Variants in CSRNP3 observed in about 807,000 individuals in gnomAD.
CSRNP3 encodes the protein cysteine/serine-rich nuclear protein 3.
A neutral mutation model predicts 48.0 loss-of-function variants in CSRNP3; 12 were observed. The ratio of observed to expected loss-of-function variants is 0.25; its 90% CI spans 0.16 to 0.41. The LOEUF is 0.41. Ranked by LOEUF, CSRNP3 falls within the 10% of genes least tolerant of loss-of-function variation. The pLI is 1.00. For missense variants in CSRNP3, 580 were observed against 724.4 expected (o/e 0.80, Z 2.29); for synonymous variants, 263 against 269.7 (o/e 0.98, Z 0.24).
intron 4 of CSRNP3, among the ~76,000 whole-genome samples, chr2:165,599,062 C>A (rs915124999): frequency 6.6e-6 from 1 of 151,248 alleles, no homozygotes; most frequent in African/African-American, 2.4e-5. Context: ...TCTCAAATCC[C>A]CATCTCTAAA....
At chr2:165,609,704 A>G (rs546834320) in intron 4 of CSRNP3, among the ~76,000 whole-genome samples, 1 of 152,180 alleles carries the variant, frequency 6.6e-6, no homozygotes, top group Non-Finnish European at 1.5e-5. Flanking sequence ...GACATCGTAC[A>G]TTTTATTAAT....
chr2:165,666,025 G>C lies in CSRNP3; in HGVS notation c.408+8005G>C, dbSNP rs562703044. ...GGATAGAGAGGAAGAAAGAAAGAGA[G>C]AGAGAGGAAGGGAGGAAGGAAGGAA... On this transcript the variant is annotated intron_variant, in intron 5 of 6. Transcript: ENST00000651982. Among the ~76,000 whole-genome samples, 68 of 113,654 alleles carry C rather than the reference G, an allele frequency of 6.0e-4. 2 individuals carry two copies. In the East Asian group the frequency reaches 6.4e-3, roughly 11 times the overall value. The allele number at this position is 113,654 out of a possible 152,430, so 74.6% of individuals were successfully genotyped here.
chr2:165,478,108 A>AAATTAG (rs1683993077), intron 1 of CSRNP3, among the ~76,000 whole-genome samples: 1 of 152,182 alleles, frequency 6.6e-6, no homozygotes, highest in Non-Finnish European at 1.5e-5. Context: ...CTACTTCATC[A>AAATTAG]TAGACCCCTT....
intron 4 of CSRNP3, among the ~76,000 whole-genome samples, chr2:165,655,590 C>T (rs1161181250): frequency 1.3e-5 from 2 of 152,102 alleles, no homozygotes; most frequent in African/African-American, 4.8e-5. Context: ...CTTGGGCTCC[C>T]GTAAAAATGA....
intron 2 of CSRNP3, among the ~76,000 whole-genome samples, chr2:165,506,976 A>G (rs1052168490): frequency 2.0e-5 from 3 of 152,196 alleles, no homozygotes; most frequent in African/African-American, 7.2e-5. Flanking sequence ...TGGACCCCAT[A>G]TTAGTAATTC....
intron 4 of CSRNP3, among the ~76,000 whole-genome samples, chr2:165,634,496 A>AT (rs1013103048): frequency 4.6e-5 from 7 of 152,222 alleles, no homozygotes; most frequent in African/African-American, 1.7e-4. Context: ...CAAAGGTTAC[A>AT]TTCTGGTGGT....
At chr2:165,623,006 G>T (rs747676594) in intron 4 of CSRNP3, among the ~76,000 whole-genome samples, 8 of 152,168 alleles carry the variant, frequency 5.3e-5, no homozygotes, top group Non-Finnish European at 1.0e-4. Context: ...TTGGTATGCA[G>T]TAGGCTCCCT....
At chr2:165,548,984 T>G (rs991138270) in intron 3 of CSRNP3, among the ~76,000 whole-genome samples, 2 of 149,304 alleles carry the variant, frequency 1.3e-5, no homozygotes, top group African/African-American at 4.9e-5. Flanking sequence ...ACTTCTTTTT[T>G]TTTTTAATTG....
At chr2:165,612,669 C>T (rs1479264801) in intron 4 of CSRNP3, among the ~76,000 whole-genome samples, 1 of 151,864 alleles carries the variant, frequency 6.6e-6, no homozygotes, top group Non-Finnish European at 1.5e-5. Context: ...TAAATGAGAA[C>T]ATGAGTGGTA....
chr2:165,472,899 C>T (rs994951200), intron 1 of CSRNP3, among the ~76,000 whole-genome samples: 1 of 151,986 alleles, frequency 6.6e-6, no homozygotes, highest in Non-Finnish European at 1.5e-5. Flanking sequence ...CATGTCAGTA[C>T]GTTATTTTCA....
At chr2:165,622,445 G>T (rs1686356226) in intron 4 of CSRNP3, among the ~76,000 whole-genome samples, 1 of 152,120 alleles carries the variant, frequency 6.6e-6, no homozygotes. Context: ...TAGTTACATT[G>T]TATAGTTTAT....
chr2:165,496,078 G>C (rs1684280288), intron 2 of CSRNP3, among the ~76,000 whole-genome samples: 1 of 151,820 alleles, frequency 6.6e-6, no homozygotes, highest in Non-Finnish European at 1.5e-5. Flanking sequence ...TCTCCCCCAG[G>C]ATTCAAAATT....
chr2:165,543,673 G>A (rs1684986469), intron 3 of CSRNP3, among the ~76,000 whole-genome samples: 1 of 151,844 alleles, frequency 6.6e-6, no homozygotes, highest in African/African-American at 2.4e-5. Context: ...TAATTTTCAT[G>A]GGCACATACT....
intron 3 of CSRNP3, among the ~76,000 whole-genome samples, chr2:165,592,155 C>T (rs35921419): frequency 0.097 from 14,828 of 152,248 alleles, 923 homozygotes; most frequent in African/African-American, 0.18. Flanking sequence ...CAAATGAGAT[C>T]ATTTTGGAAC....
At chr2:165,554,750 C>T (rs1183778488) in intron 3 of CSRNP3, among the ~76,000 whole-genome samples, 4 of 152,188 alleles carry the variant, frequency 2.6e-5, no homozygotes, top group African/African-American at 2.4e-5. Context: ...ACCTTGCTCT[C>T]CTTTCAAACA....
Position 165,670,265 on chromosome 2 carries a change from C to T in CSRNP3, c.409-6047C>T, listed in dbSNP as rs150963680. ...CCACTGCCAGCCCCACTGCCACCCT[C>T]CTACATAACCCTCAAATGCCCCATG... On this transcript the variant is annotated intron_variant, in intron 5 of 6. Transcript: ENST00000651982. 7.9e-3 allele frequency among the ~76,000 whole-genome samples: 1,199 copies of T among 152,270 alleles called. 8 individuals carry two copies. The highest frequency in any genetic ancestry group is 0.013 in the Non-Finnish European group (883 of 68,012).
At chr2:165,625,307 C>T (rs890001910) in intron 4 of CSRNP3, among the ~76,000 whole-genome samples, 2 of 151,822 alleles carry the variant, frequency 1.3e-5, no homozygotes, top group Admixed American at 1.3e-4. Flanking sequence ...AACAAATATA[C>T]ATAACATGTA....
chr2:165,639,790 G>GA (rs1686695362), intron 4 of CSRNP3, among the ~76,000 whole-genome samples: 1 of 152,106 alleles, frequency 6.6e-6, no homozygotes, highest in Admixed American at 6.5e-5. Flanking sequence ...TCCTCCTTCA[G>GA]AAAATCAAGA....
At chr2:165,639,049 G>A (rs1022454758) in intron 4 of CSRNP3, among the ~76,000 whole-genome samples, 7 of 152,108 alleles carry the variant, frequency 4.6e-5, no homozygotes, top group Admixed American at 3.9e-4. Context: ...ATATGTTGTT[G>A]ATTGATTAAC....
Sources: allele counts gnomAD v4.1 joint callset (sites outside exome capture counted in the v4.1 genomes callset), GRCh38; gene constraint gnomAD v4.1.1; transcripts MANE v1.5; gene names NCBI Gene and HGNC (gene_info 2026-07-23, HGNC 2026-07-21).